Variants in PIEZO2 observed in about 807,000 individuals in gnomAD.
The protein encoded by PIEZO2 is piezo type mechanosensitive ion channel component 2.
Under a neutral mutation model 337.3 loss-of-function variants are expected in PIEZO2, and 172 were observed. The ratio of observed to expected loss-of-function variants is 0.51; its 90% CI spans 0.45 to 0.58. PIEZO2 has a LOEUF of 0.58. Among genes scored for constraint, PIEZO2 ranks in the 20% least tolerant of loss-of-function variants. The pLI is 0.00. For missense variants in PIEZO2, 3,028 were observed against 3,391.3 expected (o/e 0.89, Z 2.66); for synonymous variants, 1,251 against 1,228.5 (o/e 1.02, Z -0.38).
intron 2 of PIEZO2, among the ~76,000 whole-genome samples, chr18:11,039,316 A>G (rs2145798707): frequency 6.6e-6 from 1 of 152,336 alleles, no homozygotes; most frequent in Middle Eastern, 3.4e-3. Context: ...CAGAAAGGGG[A>G]AAAACAGACA....
chr18:10,883,816 C>CTTTTTTT (rs71169957), intron 4 of PIEZO2, among the ~76,000 whole-genome samples: 3 of 122,832 alleles, frequency 2.4e-5, no homozygotes, highest in Admixed American at 8.6e-5. Context: ...AGTCCTACTT[C>CTTTTTTT]TTTTTTTTTT....
At position 10,705,497 on chromosome 18, in the gene PIEZO2, C is replaced by A. The variant is rs776023365; in HGVS notation, c.5838G>T (p.Lys1946Asn). The A allele has an allele frequency of 3.3e-6, 5 of 1,537,266 alleles. No homozygotes were observed. The highest frequency in any genetic ancestry group is 4.4e-6 in the Non-Finnish European group (5 of 1,146,910). The change falls in exon 41 of 56, where the codon AAG (lysine) becomes AAT (asparagine). Residue 1946 changes from lysine (K) to asparagine (N), a missense_variant. Lys to Asn is a moderately conservative substitution (Grantham distance 94). Transcript: ENST00000674853. Reference protein sequence around the residue: ...GDVEAPPSYSKAVSFEHLSFG... With the variant: ...GDVEAPPSYSNAVSFEHLSFG... ...AGGACAGATGCTCGAAGCTCACAGC[C>A]TTGCTGTAGGAGGGTGGGGCCTCCA...
intron 3 of PIEZO2, among the ~76,000 whole-genome samples, chr18:10,921,853 T>G (rs1353767079): frequency 1.3e-5 from 2 of 152,148 alleles, no homozygotes; most frequent in Admixed American, 1.3e-4. Flanking sequence ...TGTGGCCGTC[T>G]TCTATGGTCG....
chr18:10,996,366 T>A (rs2035319271), intron 2 of PIEZO2, among the ~76,000 whole-genome samples: 2 of 152,238 alleles, frequency 1.3e-5, no homozygotes, highest in African/African-American at 4.8e-5. Flanking sequence ...GAAATTCACA[T>A]AATAAAAAAT....
chr18:11,097,198 G>A lies in PIEZO2; in HGVS notation c.65-30976C>T, dbSNP rs901628157. Among the ~76,000 whole-genome samples, 2 of 151,880 alleles carry A rather than the reference G, an allele frequency of 1.3e-5. No homozygotes were observed. The highest frequency in any genetic ancestry group is 2.9e-5 in the Non-Finnish European group (2 of 67,980). ...CACAAACTAAGAATGCTTTTTATAT[G>A]TTTAAATGATTGAAAAAAAAAGTCA... is the stretch of plus-strand genomic sequence containing the variant. On this transcript the variant is annotated intron_variant, in intron 1 of 55. Coordinates refer to ENST00000674853, the MANE Select transcript of PIEZO2 (RefSeq NM_001378183.1). This position sits in a 1 kb window ranked among gnomAD's most constrained non-coding sequence, Gnocchi z 5.0.
Position 10,707,288 on chromosome 18 carries a change from G to A in PIEZO2, c.5588+987C>T, listed in dbSNP as rs886469441. Among the ~76,000 whole-genome samples the A allele has an allele frequency of 3.3e-5, 5 of 152,134 alleles. No individual in the cohort carries two copies. The highest frequency in any genetic ancestry group is 1.2e-4 in the African/African-American group (5 of 41,428). ...TCCTAATCATGCTCCCTTTGGTTTGGATCTCTTGTAGCACCAAGGGGTGGA... is the reference window on the plus strand; with the variant it reads ...TCCTAATCATGCTCCCTTTGGTTTGAATCTCTTGTAGCACCAAGGGGTGGA... On this transcript the variant is annotated intron_variant, in intron 40 of 55. Coordinates refer to ENST00000674853, the MANE Select transcript of PIEZO2 (RefSeq NM_001378183.1). The surrounding 1 kb of genome is among the most constrained non-coding windows in gnomAD (Gnocchi z 4.2).
chr18:10,743,009 A>T (rs1389205717), intron 31 of PIEZO2, among the ~76,000 whole-genome samples: 2 of 152,220 alleles, frequency 1.3e-5, no homozygotes, highest in East Asian at 3.8e-4. Flanking sequence ...ATTCTTAAAC[A>T]AATGGAAAGA....
intron 48 of PIEZO2, among the ~76,000 whole-genome samples, chr18:10,690,538 A>G (rs9945477): frequency 0.36 from 54,586 of 152,056 alleles, 9,829 homozygotes; most frequent in Non-Finnish European, 0.38. Context: ...AGGCCCAGTC[A>G]CAGGCTAGCA....
intron 4 of PIEZO2, among the ~76,000 whole-genome samples, chr18:10,902,276 T>C (rs1322854867): frequency 6.6e-6 from 1 of 152,212 alleles, no homozygotes; most frequent in Non-Finnish European, 1.5e-5. Flanking sequence ...ACTGCTGCTC[T>C]AGGGTATCTG....
In PIEZO2 at chr18:10,903,672, CAA is replaced by C. The variant is rs534913375; in HGVS notation, c.329+7512_329+7513del. Among the ~76,000 whole-genome samples, 5 of 144,986 alleles carry C rather than the reference CAA, an allele frequency of 3.4e-5. No individual in the cohort carries two copies. The highest frequency in any genetic ancestry group is 7.6e-5 in the African/African-American group (3 of 39,592). On this transcript the variant is annotated intron_variant, in intron 4 of 55. Transcript: ENST00000674853. This position sits in a 1 kb window ranked among gnomAD's most constrained non-coding sequence, Gnocchi z 4.1. ...TGGGCGACAGAGCAAGACTCCATCT[CAA>C]AAAAAAAAAGATTCAAACTTCTTGG... is the stretch of plus-strand genomic sequence containing the variant.
rs2035890118 is a variant in PIEZO2, at chr18:10,713,270, T to C, written c.5423+1494A>G. On this transcript the variant is annotated intron_variant, in intron 39 of 55. Transcript: ENST00000674853. The surrounding 1 kb of genome is among the most constrained non-coding windows in gnomAD (Gnocchi z 4.5). Reference sequence around the variant, plus strand: ...ATCTGCCTCAATAATAATTATTGGGTAGCAAAATAATTGGCATAATTAGAG... The same window carrying C: ...ATCTGCCTCAATAATAATTATTGGGCAGCAAAATAATTGGCATAATTAGAG... 6.6e-6 allele frequency among the ~76,000 whole-genome samples: 1 copy of C among 152,144 alleles called. No homozygotes were observed. The highest frequency in any genetic ancestry group is 2.1e-4 in the South Asian group (1 of 4,832).
At chr18:10,908,914 G>A (rs1210372237) in intron 4 of PIEZO2, 3 of 152,082 alleles carry the variant, frequency 2.0e-5, no homozygotes, top group African/African-American at 7.2e-5. Flanking sequence ...TTTTTCAGGA[G>A]TTTTTTTTAC....
At position 10,846,822 on chromosome 18, in the gene PIEZO2, T is replaced by C. The variant is rs1424744456; in HGVS notation, c.917+8531A>G. ...AGGAGATTTCCAGCAAAGGAAACAG[T>C]ATAAGGGATGGAATTGCTTTATGTG... is the stretch of plus-strand genomic sequence containing the variant. On this transcript the variant is annotated intron_variant, in intron 7 of 55. Coordinates refer to ENST00000674853, the MANE Select transcript of PIEZO2 (RefSeq NM_001378183.1). This position sits in a 1 kb window ranked among gnomAD's most constrained non-coding sequence, Gnocchi z 4.1. Among the ~76,000 whole-genome samples the C allele has an allele frequency of 6.6e-6, 1 of 152,038 alleles. No homozygotes were observed. Among genetic ancestry groups the C allele is most frequent in the Non-Finnish European group, 1.5e-5 (1 of 68,006 alleles).
Position 10,773,954 on chromosome 18 carries a change from T to G in PIEZO2, c.2567+52A>C. On this transcript the variant is annotated intron_variant, in intron 19 of 55. Coordinates refer to ENST00000674853, the MANE Select transcript of PIEZO2 (RefSeq NM_001378183.1). The surrounding 1 kb of genome is among the most constrained non-coding windows in gnomAD (Gnocchi z 5.3). ...GGTCAGAGTTTAGGGTGTAGAAGCA[T>G]GAAATGGCATCATGTAGAGCAAGCA... The G allele has an allele frequency of 1.4e-6, 1 of 702,178 alleles. No individual in the cohort carries two copies. Among genetic ancestry groups the G allele is most frequent in the Non-Finnish European group, 2.6e-6 (1 of 384,732 alleles). The allele number at this position is 702,178 out of a possible 1,614,324, so 43.5% of individuals were successfully genotyped here.
rs1394948685 is a variant in PIEZO2, at chr18:10,727,162, G to C, written c.5029+4245C>G. On this transcript the variant is annotated intron_variant, in intron 36 of 55. Coordinates refer to ENST00000674853, the MANE Select transcript of PIEZO2 (RefSeq NM_001378183.1). The surrounding 1 kb of genome is among the most constrained non-coding windows in gnomAD (Gnocchi z 6.3). ...TGCAGCAGCATGTCTGGCAAACTGA[G>C]TCGCCCTCCTGCCTCCAGCTCTGTG... 4 of 412,640 alleles carry C rather than the reference G, an allele frequency of 9.7e-6. No individual in the cohort carries two copies. Among genetic ancestry groups the C allele is most frequent in the Non-Finnish European group, 1.7e-5 (4 of 235,736 alleles). The allele number at this position is 412,640 out of a possible 1,614,324, so 25.6% of individuals were successfully genotyped here.
rs528746518 is a variant in PIEZO2, at chr18:10,781,569, T to C, written c.2493-1203A>G. 2.4e-4 allele frequency among the ~76,000 whole-genome samples: 36 copies of C among 152,250 alleles called. No individual in the cohort carries two copies. Among genetic ancestry groups the C allele is most frequent in the African/African-American group, 8.4e-4 (35 of 41,550 alleles). ...AAACAATGTTATACGTTATAATTCT[T>C]ATAATATGAAATTCTATCAATATAT... is the stretch of plus-strand genomic sequence containing the variant. On this transcript the variant is annotated intron_variant, in intron 17 of 55. Transcript: ENST00000674853. This position sits in a 1 kb window ranked among gnomAD's most constrained non-coding sequence, Gnocchi z 4.1.
Position 10,982,990 on chromosome 18 carries a change from G to T in PIEZO2, c.161-3330C>A, listed in dbSNP as rs1360812886. On this transcript the variant is annotated intron_variant, in intron 2 of 55. Coordinates refer to ENST00000674853, the MANE Select transcript of PIEZO2 (RefSeq NM_001378183.1). The surrounding 1 kb of genome is among the most constrained non-coding windows in gnomAD (Gnocchi z 4.1). ...CCTGCCCCAGCCTCCCAAAGTGCTGGGATTACAGGAATGAGCCACCGTGCC... is the reference window on the plus strand; with the variant it reads ...CCTGCCCCAGCCTCCCAAAGTGCTGTGATTACAGGAATGAGCCACCGTGCC... Among the ~76,000 whole-genome samples, 1 of 151,986 alleles carries T rather than the reference G, an allele frequency of 6.6e-6. No individual in the cohort carries two copies. Among genetic ancestry groups the T allele is most frequent in the African/African-American group, 2.4e-5 (1 of 41,356 alleles).
At chr18:10,691,709 G>A (rs1426613090) in intron 47 of PIEZO2, among the ~76,000 whole-genome samples, 3 of 147,934 alleles carry the variant, frequency 2.0e-5, no homozygotes, top group Non-Finnish European at 4.4e-5. Context: ...GTCCAAATTA[G>A]ACTCCTGAAA....
At chr18:10,760,825 C>A in intron 24 of PIEZO2, 86 bp downstream of exon 24, 1 of 1,136,082 alleles carries the variant, frequency 8.8e-7, no homozygotes, top group Admixed American at 2.2e-5. Flanking sequence ...AGATGTATCA[C>A]AAAGTTCCAG....
Sources: allele counts gnomAD v4.1 joint callset (sites outside exome capture counted in the v4.1 genomes callset), GRCh38; gene constraint gnomAD v4.1.1; non-coding constraint Gnocchi (gnomAD v3.1); transcripts MANE v1.5; gene names NCBI Gene and HGNC (gene_info 2026-07-23, HGNC 2026-07-21).